The following THBS2 variants were observed in gnomAD, a reference collection of about 807,000 sequenced individuals.
THBS2 encodes thrombospondin 2, also known as thrombospondin-2.
A neutral mutation model predicts 135.2 loss-of-function variants in THBS2; 47 were observed. That is an observed-to-expected ratio of 0.35 (90% CI 0.28 to 0.44). The LOEUF (loss-of-function observed/expected upper bound fraction) is 0.44. THBS2 is among the 20% of genes least tolerant of loss of function. The pLI is 1.00. For missense variants in THBS2, 1,288 were observed against 1,603.1 expected, an observed-to-expected ratio of 0.80 and a Z score of 3.36; for synonymous variants, 639 against 633.8, an observed-to-expected ratio of 1.01 and a Z score of -0.12.
rs1178648766 is a variant in THBS2 at position 169,222,480 on chromosome 6, G to A, written c.3002-12C>T. On this transcript the variant is annotated splice_polypyrimidine_tract_variant and intron_variant, in intron 18 of 21. Coordinates refer to ENST00000617924, the MANE Select transcript of THBS2 (RefSeq NM_003247.5). ...AAACTCGTCAAAACCTGGATGCAAC[G>A]CCATAAGGTTTCGTTAGAAACACCT... is the stretch of plus-strand genomic sequence containing the variant. 19 of 1,607,572 alleles carry A rather than the reference G, an allele frequency of 1.2e-5. No homozygotes were observed. The highest frequency in any genetic ancestry group is 5.0e-5 in the Admixed American group (3 of 59,784).
chr6:169,226,179 C>T lies in THBS2; in HGVS notation c.2538+1G>A, dbSNP rs555457120. 16 of 1,606,950 alleles carry T rather than the reference C, an allele frequency of 1.0e-5. No homozygotes were observed. The highest frequency in any genetic ancestry group is 6.8e-5 in the African/African-American group (5 of 74,008). Reference sequence around the variant, plus strand: ...CCCCGCCTGTCTGCGGCTGCCCTCACCTGGTCAGGGTTGTGCACCAGGGGG... The same window carrying T: ...CCCCGCCTGTCTGCGGCTGCCCTCATCTGGTCAGGGTTGTGCACCAGGGGG... On this transcript the variant is annotated splice_donor_variant, in intron 16 of 21. Coordinates refer to ENST00000617924, the MANE Select transcript of THBS2 (RefSeq NM_003247.5). LOFTEE classifies it high-confidence loss of function.
intron 14 of THBS2, among the ~76,000 whole-genome samples, chr6:169,228,740 A>G (rs1301306784): frequency 6.6e-6 from 1 of 152,150 alleles, no homozygotes; most frequent in East Asian, 1.9e-4. Context: ...CCTGGCCAAC[A>G]TGGTGAAACC....
chr6:169,220,933 A>G (rs963499862), intron 20 of THBS2, among the ~76,000 whole-genome samples: 1 of 152,192 alleles, frequency 6.6e-6, no homozygotes, highest in Non-Finnish European at 1.5e-5. Flanking sequence ...GTGCTTATTA[A>G]CTTTGAAAAA....
intron 21 of THBS2, among the ~76,000 whole-genome samples, chr6:169,218,068 T>G (rs1312887627): frequency 1.2e-4 from 9 of 73,546 alleles, no homozygotes; most frequent in Admixed American, 2.1e-4. Flanking sequence ...ATGGATGAAA[T>G]GGATGGGTGG....
At chr6:169,242,822 A>C (rs372178248) in intron 4 of THBS2, among the ~76,000 whole-genome samples, 18 of 33,554 alleles carry the variant, frequency 5.4e-4, no homozygotes, top group Admixed American at 1.1e-3. Context: ...CACCACTCCC[A>C]CCTTCCCACC....
intron 4 of THBS2, 130 bp from the exon 5 acceptor site, chr6:169,242,088 A>T: frequency 9.5e-7 from 1 of 1,049,900 alleles, no homozygotes; most frequent in Non-Finnish European, 1.3e-6. Flanking sequence ...AAGGCGGAGG[A>T]CTGGGCCAGC....
rs140852957 is a variant in THBS2, at chr6:169,221,505, G to T, written c.3296C>A (p.Pro1099His). The T allele has an allele frequency of 6.2e-7, 1 of 1,613,928 alleles. No individual in the cohort carries two copies. The highest frequency in any genetic ancestry group is 8.5e-7 in the Non-Finnish European group (1 of 1,180,004). ...GTAGTCCTTCCAGCCAATGTTCCTGGGGTCGTGCCATAAGGTTCGCACCTG... is the reference window on the plus strand; with the variant it reads ...GTAGTCCTTCCAGCCAATGTTCCTGTGGTCGTGCCATAAGGTTCGCACCTG... The part of the protein sequence containing the change: ...PGQVRTLWHD[P>H]RNIGWKDYTA... Residue 1099 changes from proline (P) to histidine (H), a missense_variant, in exon 20 of 22, where the codon CCC becomes CAC. Physicochemically the swap from Pro to His is moderately conservative, Grantham distance 77. Around this residue, in one of 2 missense-constraint regions of THBS2, gnomAD observed 874 missense variants for 1,156.1 expected, o/e 0.76. Transcript: ENST00000617924.
At position 169,248,533 on chromosome 6, in the gene THBS2, C is replaced by T. The variant is rs753968295; in HGVS notation, c.493G>A (p.Val165Met). 6 of 1,613,896 alleles carry T rather than the reference C, an allele frequency of 3.7e-6. No homozygotes were observed. Among genetic ancestry groups the T allele is most frequent in the African/African-American group, 1.3e-5 (1 of 74,954 alleles). ...QVAGETYSLH[V>M]GCDLIDSFAL... ...AAGCTGTCTATGAGGTCGCAGCCCA[C>T]GTGCAAGCTGTAGGTCTCGCCAGCC... Residue 165 changes from valine (V) to methionine (M), a missense_variant, in exon 3 of 22, where the codon GTG becomes ATG. This residue lies in a region of THBS2 where 414 missense variants were observed against 447.0 expected (regional missense o/e 0.93). Transcript: ENST00000617924.
intron 21 of THBS2, among the ~76,000 whole-genome samples, chr6:169,218,168 T>C (rs547914353): frequency 7.7e-6 from 1 of 129,760 alleles, no homozygotes; most frequent in East Asian, 2.3e-4. Context: ...AATGAGTGGG[T>C]GGATGGATGG....
In THBS2 at chr6:169,228,270, C is replaced by A. The variant is rs142094192; in HGVS notation, c.2271G>T (p.Gln757His). 1.4e-5 allele frequency: 22 copies of A among 1,613,928 alleles called. No individual in the cohort carries two copies. The highest frequency in any genetic ancestry group is 8.3e-5 in the Admixed American group (5 of 59,980). The part of the protein sequence containing the change: ...DGVTDEKDNC[Q>H]LLFNPRQADY... The stretch of plus-strand genomic sequence containing the variant: ...CAGCCTGGCGGGGATTGAAGAGGAG[C>A]TGGCAGTTGTCCTGGAAAACCAAGA... Residue 757 changes from glutamine (Q) to histidine (H), a missense_variant, in exon 15 of 22, where the codon CAG (glutamine) becomes CAT (histidine). Physicochemically the swap from Gln to His is conservative, Grantham distance 24 (BLOSUM62 0). Coordinates refer to ENST00000617924, the MANE Select transcript of THBS2 (RefSeq NM_003247.5).
At chr6:169,227,510 G>A (rs1027632338) in intron 15 of THBS2, among the ~76,000 whole-genome samples, 6 of 152,172 alleles carry the variant, frequency 3.9e-5, no homozygotes, top group African/African-American at 1.4e-4. Flanking sequence ...TGAATGAAGG[G>A]TGAACATTAG....
intron 13 of THBS2, 97 bp from the exon 14 acceptor site, chr6:169,229,776 G>A (rs976742767): frequency 3.2e-6 from 3 of 947,398 alleles, no homozygotes; most frequent in Non-Finnish European, 5.0e-6. Context: ...GCCGAGGAAG[G>A]AAGCGTGCCC....
chr6:169,224,603 G>A (rs2114980211), intron 17 of THBS2, among the ~76,000 whole-genome samples: 1 of 152,340 alleles, frequency 6.6e-6, no homozygotes, highest in African/African-American at 2.4e-5. Flanking sequence ...GAGCACAGCT[G>A]TGCCCTTGTT....
intron 19 of THBS2, among the ~76,000 whole-genome samples, chr6:169,221,772 A>T (rs914282978): frequency 1.3e-5 from 2 of 152,222 alleles, no homozygotes; most frequent in Admixed American, 1.3e-4. Context: ...TGAAGAGCCC[A>T]GGCACCTGAT....
chr6:169,241,240 G>A lies in THBS2; in HGVS notation c.891+522C>T, dbSNP rs1346012252. On this transcript the variant is annotated intron_variant, in intron 5 of 21. Transcript: ENST00000617924. The surrounding 1 kb of genome is among the most constrained non-coding windows in gnomAD (Gnocchi z 5.5). ...TGTTCAGTCCCTTTCTCTAAACTGCGAGCTGCCCGTCCTGAGCCCCGCAGG... is the reference window on the plus strand; with the variant it reads ...TGTTCAGTCCCTTTCTCTAAACTGCAAGCTGCCCGTCCTGAGCCCCGCAGG... Among the ~76,000 whole-genome samples, 1 of 152,100 alleles carries A rather than the reference G, an allele frequency of 6.6e-6. No individual in the cohort carries two copies. The highest frequency in any genetic ancestry group is 1.5e-5 in the Non-Finnish European group (1 of 68,016).
intron 1 of THBS2, among the ~76,000 whole-genome samples, chr6:169,253,459 C>T (rs747357640): frequency 3.3e-4 from 50 of 152,320 alleles, no homozygotes; most frequent in Non-Finnish European, 6.0e-4. Context: ...CCACAACCCT[C>T]AGAGAGGAAG....
rs1446376112 is a variant in THBS2 at position 169,222,808 on chromosome 6, GAAAAAAAAGAA to G, written c.3002-351_3002-341del. Among the ~76,000 whole-genome samples, 5 of 108,954 alleles carry G rather than the reference GAAAAAAAAGAA, an allele frequency of 4.6e-5. No homozygotes were observed. In the South Asian group the frequency reaches 1.0e-3, roughly 22 times the overall value. The allele number at this position is 108,954 out of a possible 152,430, so 71.5% of individuals were successfully genotyped here. A position where few individuals can be genotyped will look rare whatever the true frequency, so the allele number is the denominator to read the frequency against. On this transcript the variant is annotated intron_variant, in intron 18 of 21. Transcript: ENST00000617924. ...AGACTCCATCTCAAAAAAAAAAAAA[GAAAAAAAAGAA>G]AAAAAAAAGAAACAGGTTTCAGGCA... is the stretch of plus-strand genomic sequence containing the variant.
rs191849946 is a variant in THBS2, at chr6:169,221,380, C to T, written c.3371+50G>A. On this transcript the variant is annotated intron_variant, in intron 20 of 21. Coordinates refer to ENST00000617924, the MANE Select transcript of THBS2 (RefSeq NM_003247.5). ...GTCTATTAATGTTCAAATGTGCCGTCCGATGGGAAGCCCCTTGGAAGAAAT... is the reference window on the plus strand; with the variant it reads ...GTCTATTAATGTTCAAATGTGCCGTTCGATGGGAAGCCCCTTGGAAGAAAT... 1.5e-4 allele frequency: 226 copies of T among 1,543,966 alleles called. No homozygotes were observed. In the East Asian group the frequency reaches 3.9e-3, roughly 27 times the overall value.
intron 2 of THBS2, among the ~76,000 whole-genome samples, chr6:169,250,062 A>G (rs1780702563): frequency 6.6e-6 from 1 of 152,158 alleles, no homozygotes; most frequent in South Asian, 2.1e-4. Context: ...CACTGAACAG[A>G]AAGTTTAGCC....
Sources: allele counts gnomAD v4.1 joint callset (sites outside exome capture counted in the v4.1 genomes callset), GRCh38; gene constraint gnomAD v4.1.1; regional missense constraint gnomAD v4.1.1; non-coding constraint Gnocchi (gnomAD v3.1); transcripts MANE v1.5; gene names NCBI Gene and HGNC (gene_info 2026-07-23, HGNC 2026-07-21).